The following PRKG1 variants were observed in gnomAD, a reference collection of about 807,000 sequenced individuals.
The protein encoded by PRKG1 is protein kinase cGMP-dependent 1.
A neutral mutation model predicts 88.1 loss-of-function variants in PRKG1; 35 were observed. The ratio of observed to expected loss-of-function variants is 0.40; its 90% CI spans 0.30 to 0.53. PRKG1 has a LOEUF of 0.53. Among genes scored for constraint, PRKG1 ranks in the 20% least tolerant of loss-of-function variants. PRKG1 has a pLI of 0.59. For synonymous variants in PRKG1, 303 were observed against 292.5 expected, an observed-to-expected ratio of 1.04 and a Z score of -0.37; for missense variants, 540 against 839.8, an observed-to-expected ratio of 0.64 and a Z score of 4.41.
At chr10:51,962,339 A>C (rs1391442497) in intron 5 of PRKG1, among the ~76,000 whole-genome samples, 1 of 152,076 alleles carries the variant, frequency 6.6e-6, no homozygotes, top group Non-Finnish European at 1.5e-5. Flanking sequence ...TCCCCCTATT[A>C]TAGCTGTGAG....
chr10:51,400,550 G>A (rs1162655527), intron 2 of PRKG1, among the ~76,000 whole-genome samples: 1 of 152,154 alleles, frequency 6.6e-6, no homozygotes, highest in African/African-American at 2.4e-5. Context: ...GACGTAGAAA[G>A]AAACTGAAGT....
chr10:51,274,131 G>C (rs1213648209), intron 2 of PRKG1, among the ~76,000 whole-genome samples: 1 of 152,070 alleles, frequency 6.6e-6, no homozygotes. Flanking sequence ...CACCTTCCTG[G>C]TGTCATAATT....
intron 9 of PRKG1, among the ~76,000 whole-genome samples, chr10:52,166,811 A>C (rs1409592576): frequency 4.1e-3 from 6 of 1,448 alleles, no homozygotes; most frequent in East Asian, 0.12. Flanking sequence ...ATATATATGT[A>C]TATATATGTA....
intron 3 of PRKG1, among the ~76,000 whole-genome samples, chr10:51,665,345 T>C (rs1449020106): frequency 1.3e-5 from 2 of 152,188 alleles, no homozygotes; most frequent in African/African-American, 4.8e-5. Context: ...TTACATTGCC[T>C]TGCTCAATAT....
intron 1 of PRKG1, among the ~76,000 whole-genome samples, chr10:51,141,245 T>G (rs1845812905): frequency 6.6e-6 from 1 of 152,204 alleles, no homozygotes; most frequent in Admixed American, 6.5e-5. Flanking sequence ...TACACTGTGC[T>G]CTGAATCCCA....
intron 3 of PRKG1, among the ~76,000 whole-genome samples, chr10:51,641,267 C>T (rs1275961780): frequency 6.6e-6 from 1 of 152,128 alleles, no homozygotes; most frequent in African/African-American, 2.4e-5. Flanking sequence ...GAGTGGAGAA[C>T]ATTACCACCA....
chr10:51,566,633 C>G (rs1289808028), intron 3 of PRKG1, among the ~76,000 whole-genome samples: 1 of 151,796 alleles, frequency 6.6e-6, no homozygotes, highest in African/African-American at 2.4e-5. Flanking sequence ...TTGTCATTCA[C>G]ACAGAGAATT....
At chr10:52,232,035 C>T (rs1243304002) in intron 9 of PRKG1, among the ~76,000 whole-genome samples, 3 of 152,110 alleles carry the variant, frequency 2.0e-5, no homozygotes, top group Non-Finnish European at 2.9e-5. Context: ...CAAGAAAGAC[C>T]TGTAAGAATG....
intron 4 of PRKG1, among the ~76,000 whole-genome samples, chr10:51,887,074 C>T (rs1273824643): frequency 6.6e-6 from 1 of 152,172 alleles, no homozygotes; most frequent in East Asian, 1.9e-4. Context: ...CAACCTCTGC[C>T]TCCTGGGCTC....
rs1010641571 is a variant in PRKG1 at position 51,585,961 on chromosome 10, C to A, written c.592+118125C>A. The stretch of plus-strand genomic sequence containing the variant: ...GCCGTAAAGATAAGAACGCTAGACA[C>A]TGGGGACTAGTAGAGTGGGGAGGTA... On this transcript the variant is annotated intron_variant, in intron 3 of 17. Transcript: ENST00000373980. Among the ~76,000 whole-genome samples, 6 of 152,014 alleles carry A rather than the reference C, an allele frequency of 3.9e-5. No homozygotes were observed. The East Asian group carries it at 1.2e-3, about 29-fold the overall frequency.
intron 1 of PRKG1, among the ~76,000 whole-genome samples, chr10:51,029,424 G>A (rs996862000): frequency 1.3e-5 from 2 of 152,126 alleles, no homozygotes; most frequent in Non-Finnish European, 2.9e-5. Context: ...AACAGTCCAT[G>A]TCATTAGCCT....
intron 2 of PRKG1, among the ~76,000 whole-genome samples, chr10:51,213,371 A>G (rs1227677472): frequency 6.6e-6 from 1 of 152,216 alleles, no homozygotes; most frequent in Non-Finnish European, 1.5e-5. Flanking sequence ...ATGCTAAATG[A>G]CCAGTTAATG....
rs142715608 is a variant in PRKG1, at chr10:51,902,812, T to A, written c.699-4695T>A. On this transcript the variant is annotated intron_variant, in intron 4 of 17. Coordinates refer to ENST00000373980, the MANE Select transcript of PRKG1 (RefSeq NM_006258.4). ...AGTGATAATATCATTCTATGTCAGG[T>A]GATCTCTAGAGAATTCTACTGTGTA... Among the ~76,000 whole-genome samples the A allele has an allele frequency of 2.1e-3, 316 of 152,292 alleles. 2 individuals carry two copies. The highest frequency in any genetic ancestry group is 4.2e-3 in the Non-Finnish European group (285 of 68,016).
At chr10:51,731,736 G>A (rs961971190) in intron 3 of PRKG1, among the ~76,000 whole-genome samples, 17 of 152,226 alleles carry the variant, frequency 1.1e-4, no homozygotes, top group African/African-American at 3.9e-4. Context: ...TGGAGAGAGA[G>A]ATTTGGAAGC....
chr10:51,257,185 G>A (rs1169327861), intron 2 of PRKG1, among the ~76,000 whole-genome samples: 4 of 147,120 alleles, frequency 2.7e-5, no homozygotes, highest in African/African-American at 1.0e-4. Context: ...TTTTTTTTGA[G>A]AGAAGATGAT....
In PRKG1 at chr10:51,769,967, G is replaced by A. The variant is rs568512464; in HGVS notation, c.593-34618G>A. 4.6e-5 allele frequency among the ~76,000 whole-genome samples: 7 copies of A among 152,354 alleles called. No individual in the cohort carries two copies. The East Asian group carries it at 7.7e-4, about 17-fold the overall frequency. On this transcript the variant is annotated intron_variant, in intron 3 of 17. Transcript: ENST00000373980. ...CTGGGCCGCATGTGGCCTATGGGCC[G>A]TGTGTTGTACAACCTTGTTGAAATC... is the stretch of plus-strand genomic sequence containing the variant.
At chr10:52,262,650 T>G (rs1405275931) in intron 10 of PRKG1, among the ~76,000 whole-genome samples, 1 of 152,096 alleles carries the variant, frequency 6.6e-6, no homozygotes, top group Non-Finnish European at 1.5e-5. Context: ...TGGTTTATTA[T>G]TACAATATTT....
intron 4 of PRKG1, among the ~76,000 whole-genome samples, chr10:51,808,474 G>A (rs1029706133): frequency 2.0e-5 from 3 of 152,052 alleles, no homozygotes; most frequent in African/African-American, 7.2e-5. Context: ...GCAGTGGCAT[G>A]TGCCTGTGGT....
chr10:51,813,728 A>G (rs1839514732), intron 4 of PRKG1, among the ~76,000 whole-genome samples: 1 of 152,034 alleles, frequency 6.6e-6, no homozygotes, highest in African/African-American at 2.4e-5. Context: ...CTGCTCATTA[A>G]ATTGGCATTT....
Sources: allele counts gnomAD v4.1 joint callset (sites outside exome capture counted in the v4.1 genomes callset), GRCh38; gene constraint gnomAD v4.1.1; transcripts MANE v1.5; gene names NCBI Gene and HGNC (gene_info 2026-07-23, HGNC 2026-07-21).